The following USO1 variants were observed in gnomAD, a reference collection of about 807,000 sequenced individuals.
USO1 encodes the protein USO1 vesicle transport factor.
A neutral mutation model predicts 124.5 loss-of-function variants in USO1; 57 were observed. The observed-to-expected ratio is 0.46, with a 90% confidence interval of 0.37 to 0.57. The LOEUF is 0.57. Among genes scored for constraint, USO1 ranks in the 20% least tolerant of loss-of-function variants. The pLI is 0.00. For missense variants in USO1, 900 were observed against 1,040.6 expected (o/e 0.86, Z 1.86); for synonymous variants, 369 against 362.8 (o/e 1.02, Z -0.19).
intron 13 of USO1, among the ~76,000 whole-genome samples, chr4:75,798,064 A>G (rs183410226): frequency 6.6e-6 from 1 of 152,154 alleles, no homozygotes; most frequent in Non-Finnish European, 1.5e-5. Context: ...TTTAGATTTT[A>G]TACCATTTTG....
intron 4 of USO1, among the ~76,000 whole-genome samples, chr4:75,766,599 A>T (rs1721775923): frequency 1.3e-5 from 2 of 152,210 alleles, no homozygotes; most frequent in South Asian, 4.1e-4. Flanking sequence ...AGGTTGAGAA[A>T]TCCTGTCTTG....
chr4:75,812,579 C>T (rs324697), intron 23 of USO1, among the ~76,000 whole-genome samples: 98,315 of 152,006 alleles, frequency 0.65, 34,017 homozygotes, highest in East Asian at 0.91. Context: ...TCAGTACTTA[C>T]AGACTATTTT....
intron 1 of USO1, among the ~76,000 whole-genome samples, chr4:75,726,935 A>C (rs572833837): frequency 2.0e-5 from 3 of 152,360 alleles, no homozygotes; most frequent in African/African-American, 7.2e-5. Flanking sequence ...TGTAAGAGAT[A>C]GCTAATACCC....
At chr4:75,734,898 T>A (rs1720745361) in intron 1 of USO1, among the ~76,000 whole-genome samples, 1 of 151,694 alleles carries the variant, frequency 6.6e-6, no homozygotes, top group Non-Finnish European at 1.5e-5. Context: ...CCAGCCAATT[T>A]TTGTATTTTT....
chr4:75,800,896 A>G, intron 16 of USO1, 97 bp downstream of exon 16: 3 of 1,476,936 alleles, frequency 2.0e-6, no homozygotes, highest in South Asian at 1.4e-5. Context: ...TGGTAACTCT[A>G]AAGGTATATT....
At chr4:75,778,271 T>C (rs1722126608) in intron 8 of USO1, among the ~76,000 whole-genome samples, 1 of 152,180 alleles carries the variant, frequency 6.6e-6, no homozygotes, top group South Asian at 2.1e-4. Context: ...ATTTTGTACG[T>C]TGTATGTATT....
Position 75,745,935 on chromosome 4 carries a change from T to C in USO1, c.67-6438T>C, listed in dbSNP as rs1392561040. ...TAAAAAAAAAACGAAAAAAACAGTT[T>C]ATTAGTTTGGGCATTGTTTCAGCCG... On this transcript the variant is annotated intron_variant, in intron 1 of 23. Coordinates refer to ENST00000514213, the MANE Select transcript of USO1 (RefSeq NM_003715.4). Among the ~76,000 whole-genome samples the C allele has an allele frequency of 2.0e-5, 3 of 151,930 alleles. No individual in the cohort carries two copies. The East Asian group carries it at 5.8e-4, about 29-fold the overall frequency.
intron 1 of USO1, among the ~76,000 whole-genome samples, chr4:75,744,459 G>T (rs754345779): frequency 6.6e-6 from 1 of 151,932 alleles, no homozygotes; most frequent in Non-Finnish European, 1.5e-5. Context: ...TCACTCTGTC[G>T]CCCAGGCCAG....
chr4:75,774,934 A>C, intron 8 of USO1, 138 bp downstream of exon 8: 1 of 1,292,274 alleles, frequency 7.7e-7, no homozygotes, highest in Non-Finnish European at 1.0e-6. Flanking sequence ...CATGTTGACT[A>C]TCGATTTCTC....
In USO1 at chr4:75,805,166, T is replaced by G; in HGVS notation, c.2152T>G (p.Tyr718Asp). The G allele has an allele frequency of 3.7e-6, 6 of 1,605,162 alleles. No individual in the cohort carries two copies. Among genetic ancestry groups the G allele is most frequent in the Non-Finnish European group, 5.1e-6 (6 of 1,176,464 alleles). ...AAAAGACAATCAGCATCAAGGTTCT[T>G]ACAGTGAGGGGGCTCAGATGAATGG... ...LGKDNQHQGS[Y>D]SEGAQMNGIQ... Residue 718 changes from tyrosine to aspartate, a missense_variant, in exon 19 of 24, where the codon TAC becomes GAC. By Grantham distance (160) the Tyr-to-Asp change is radical. Around this residue, in one of 2 missense-constraint regions of USO1, gnomAD observed 362 missense variants for 359.0 expected, o/e 1.01. Transcript: ENST00000514213.
rs999105528 is a variant in USO1, at chr4:75,756,362, T to G, written c.219-1135T>G. Among the ~76,000 whole-genome samples the G allele has an allele frequency of 4.6e-5, 7 of 152,102 alleles. No homozygotes were observed. In the South Asian group the frequency reaches 1.5e-3, roughly 32 times the overall value. On this transcript the variant is annotated intron_variant, in intron 3 of 23. Coordinates refer to ENST00000514213, the MANE Select transcript of USO1 (RefSeq NM_003715.4). ...TTAGTGTGATGATTATACATACTTA[T>G]AATCTTCTTTATTCTATGAGTGTTA...
Position 75,724,577 on chromosome 4 carries a change from C to T in USO1, c.-243C>T, listed in dbSNP as rs982597382. On this transcript the variant is annotated 5_prime_UTR_variant, in exon 1 of 24. Coordinates refer to ENST00000514213, the MANE Select transcript of USO1 (RefSeq NM_003715.4). ...TAAGAGGTTCCTCTCGCCTCCGCTC[C>T]CCTTTTGCCTTCAACCTTCGAGCCG... 3.8e-6 allele frequency: 2 copies of T among 533,002 alleles called. No individual in the cohort carries two copies. The highest frequency in any genetic ancestry group is 6.7e-6 in the Non-Finnish European group (2 of 298,816). 33.0% of individuals were successfully genotyped at this position (533,002 alleles called of 1,614,324 possible). A position where few individuals can be genotyped will look rare whatever the true frequency, so the allele number is the denominator to read the frequency against.
rs1370962953 is a variant in USO1, at chr4:75,790,685, G to A, written c.1128G>A (p.Arg376=). ...TTCTCATGTCCATGGTTAATGAAAG[G>A]CAGCCATTTGTTTTGCGCTGTGCTG... ...VVLLMSMVNE[R]QPFVLRCAVL... Residue 376 remains arginine (R), a synonymous_variant, in exon 12 of 24, where the codon AGG becomes AGA. Transcript: ENST00000514213. The A allele has an allele frequency of 1.2e-6, 2 of 1,612,084 alleles. No homozygotes were observed. Among genetic ancestry groups the A allele is most frequent in the South Asian group, 2.2e-5 (2 of 90,454 alleles).
intron 13 of USO1, among the ~76,000 whole-genome samples, chr4:75,798,429 G>A (rs1458377009): frequency 6.6e-6 from 1 of 152,154 alleles, no homozygotes; most frequent in Non-Finnish European, 1.5e-5. Flanking sequence ...AGTTGGCAGT[G>A]ACTGGTTTTT....
chr4:75,812,594 T>C (rs1723181091), intron 23 of USO1, among the ~76,000 whole-genome samples: 3 of 151,978 alleles, frequency 2.0e-5, no homozygotes. Flanking sequence ...TATTTTCTTT[T>C]GGACCGTAAG....
At chr4:75,739,983 G>A (rs1353410000) in intron 1 of USO1, among the ~76,000 whole-genome samples, 1 of 152,170 alleles carries the variant, frequency 6.6e-6, no homozygotes, top group Non-Finnish European at 1.5e-5. Flanking sequence ...ACTGAGGCAT[G>A]TGTTATAGTG....
intron 4 of USO1, among the ~76,000 whole-genome samples, chr4:75,769,546 T>C (rs1264638089): frequency 6.6e-6 from 1 of 152,164 alleles, no homozygotes; most frequent in Non-Finnish European, 1.5e-5. Context: ...TTCAGCTCCA[T>C]TGGCTGATAG....
chr4:75,740,755 AT>A (rs1232124475), intron 1 of USO1, among the ~76,000 whole-genome samples: 3 of 152,120 alleles, frequency 2.0e-5, no homozygotes, highest in Non-Finnish European at 4.4e-5. Context: ...AATTTCTTTA[AT>A]TTTTTTCTCT....
At chr4:75,751,298 G>A (rs1056228821) in intron 1 of USO1, among the ~76,000 whole-genome samples, 23 of 150,570 alleles carry the variant, frequency 1.5e-4, no homozygotes, top group African/African-American at 5.1e-4. Flanking sequence ...TGCAACCTCC[G>A]CCTGCCAGGT....
Sources: gnomAD v4.1 joint callset for allele counts (sites outside exome capture counted in the v4.1 genomes callset) on GRCh38, gnomAD v4.1.1 for gene constraint, gnomAD v4.1.1 regional missense constraint, MANE v1.5 for transcripts, NCBI Gene and HGNC (gene_info 2026-07-23, HGNC 2026-07-21) for gene names.